WDPCP: variants seen among roughly 807,000 people sequenced by gnomAD.
The protein encoded by WDPCP is WD repeat-containing and planar cell polarity effector protein fritz homolog.
A neutral mutation model predicts 93.1 loss-of-function variants in WDPCP; 71 were observed. The observed-to-expected ratio is 0.76, with a 90% confidence interval of 0.63 to 0.93. WDPCP has a LOEUF of 0.93. Ranked by LOEUF, WDPCP falls within the 40% of genes least tolerant of loss-of-function variation. The probability of loss-of-function intolerance (pLI) is 0.00; values close to 1 mark genes in which losing one functional copy is unlikely to be tolerated. For missense variants in WDPCP, 844 were observed against 887.4 expected, an observed-to-expected ratio of 0.95 and a Z score of 0.62; for synonymous variants, 315 against 315.0, an observed-to-expected ratio of 1.00 and a Z score of 0.00.
intron 2 of WDPCP, chr2:63,717,966 T>C (rs991824556): frequency 1.3e-5 from 2 of 152,296 alleles, no homozygotes; most frequent in Non-Finnish European, 2.9e-5. Context: ...AAAAAGAAAG[T>C]GTACTTTTTT....
At chr2:63,154,954 T>C (rs1457511408) in intron 15 of WDPCP, among the ~76,000 whole-genome samples, 1 of 152,210 alleles carries the variant, frequency 6.6e-6, no homozygotes, top group Non-Finnish European at 1.5e-5. Context: ...TATTGAAATG[T>C]CCGTCCAAGT....
chr2:63,834,531 A>G, the WDPCP span, among the ~76,000 whole-genome samples: 1 of 152,152 alleles, frequency 6.6e-6, no homozygotes, highest in African/African-American at 2.4e-5. Flanking sequence ...TGTGAAGCAT[A>G]TTGATTCTTT....
chr2:63,802,153 C>A (rs1390107849), intron 2 of WDPCP, among the ~76,000 whole-genome samples: 1 of 151,788 alleles, frequency 6.6e-6, no homozygotes, highest in Non-Finnish European at 1.5e-5. Context: ...CTAACATCAT[C>A]ATTCAAAGTA....
rs921117293 is a variant in WDPCP at position 63,342,162 on chromosome 2, C to T, written c.1749-28851G>A. ...TTCATGGTCTTATGAGAATCTAATG[C>T]TGCCACTGATCTGACTGGAGACAGA... is the stretch of plus-strand genomic sequence containing the variant. On this transcript the variant is annotated intron_variant, in intron 12 of 17. Transcript: ENST00000272321. Among the ~76,000 whole-genome samples, 3 of 152,138 alleles carry T rather than the reference C, an allele frequency of 2.0e-5. No individual in the cohort carries two copies. In the East Asian group the frequency reaches 5.8e-4, roughly 29 times the overall value.
chr2:63,319,678 C>T (rs1426927266), intron 12 of WDPCP, among the ~76,000 whole-genome samples: 1 of 152,108 alleles, frequency 6.6e-6, no homozygotes, highest in South Asian at 2.1e-4. Flanking sequence ...TGGGGTTTCA[C>T]TGTGTTAGCC....
rs201014973 is a variant in WDPCP at position 63,153,684 on chromosome 2, TA to T, written c.2079-111del. ...TTAAAATATTTTAAAGTTTCTGGGT[TA>T]AAAAATGTAATTAAAAAATTTCTTT... On this transcript the variant is annotated intron_variant, in intron 15 of 17. Transcript: ENST00000272321. 696 of 630,956 alleles carry T rather than the reference TA, an allele frequency of 1.1e-3. 12 individuals carry two copies. The East Asian group carries it at 0.02, about 18-fold the overall frequency. 39.1% of individuals were successfully genotyped at this position (630,956 alleles called of 1,614,324 possible). A position where few individuals can be genotyped will look rare whatever the true frequency, so the allele number is the denominator to read the frequency against.
intron 1 of WDPCP, among the ~76,000 whole-genome samples, chr2:63,827,006 A>G (rs1413696834): frequency 6.6e-6 from 1 of 152,124 alleles, no homozygotes; most frequent in Non-Finnish European, 1.5e-5. Flanking sequence ...TAAAAATGCA[A>G]ATGTAATCTC....
chr2:63,190,079 G>C (rs1348504945), intron 14 of WDPCP, among the ~76,000 whole-genome samples: 1 of 152,060 alleles, frequency 6.6e-6, no homozygotes, highest in Non-Finnish European at 1.5e-5. Context: ...CTTACAGTGT[G>C]ATAACAGGGT....
At chr2:63,123,673 A>G (rs976762882) in intron 17 of WDPCP, among the ~76,000 whole-genome samples, 2 of 152,110 alleles carry the variant, frequency 1.3e-5, no homozygotes, top group African/African-American at 2.4e-5. Flanking sequence ...TTTATAAAAT[A>G]ATTTATTTTA....
At chr2:63,336,428 TG>T (rs1016666660) in intron 12 of WDPCP, among the ~76,000 whole-genome samples, 1 of 152,224 alleles carries the variant, frequency 6.6e-6, no homozygotes, top group Admixed American at 6.5e-5. Flanking sequence ...ATCCTTATTT[TG>T]TTCCCAATCT....
intron 12 of WDPCP, among the ~76,000 whole-genome samples, chr2:63,313,886 A>ATGTGTGTGTGTATATATATATATTTTTT: frequency 3.9e-4 from 29 of 74,470 alleles, no homozygotes; most frequent in Non-Finnish European, 2.1e-4. Flanking sequence ...ATATATATAT[A>ATGTGTGTGTGTATATATATATATTTTTT]TTTTTTTTTT....
At chr2:63,262,448 AT>A (rs1681714395) in intron 13 of WDPCP, among the ~76,000 whole-genome samples, 1 of 152,042 alleles carries the variant, frequency 6.6e-6, no homozygotes, top group Non-Finnish European at 1.5e-5. Context: ...TGATCTTAAA[AT>A]TAATAGGTCA....
intron 17 of WDPCP, among the ~76,000 whole-genome samples, chr2:63,141,666 A>G (rs184900023): frequency 1.1e-4 from 17 of 152,202 alleles, no homozygotes; most frequent in South Asian, 4.2e-4. Flanking sequence ...TTCTTTCTCT[A>G]TCTTGTGGAA....
intron 2 of WDPCP, among the ~76,000 whole-genome samples, chr2:63,756,193 A>T (rs1046709936): frequency 9.2e-5 from 14 of 152,236 alleles, no homozygotes; most frequent in Admixed American, 9.2e-4. Context: ...ACAACTCAGA[A>T]CTAGTCTTGC....
chr2:63,788,928 C>T (rs972577149), intron 2 of WDPCP, among the ~76,000 whole-genome samples: 1 of 152,128 alleles, frequency 6.6e-6, no homozygotes, highest in Non-Finnish European at 1.5e-5. Flanking sequence ...ACCCTAAACA[C>T]TAAACATAGA....
intron 6 of WDPCP, among the ~76,000 whole-genome samples, chr2:63,482,841 G>C (rs965026836): frequency 1.3e-5 from 2 of 151,428 alleles, no homozygotes; most frequent in East Asian, 3.9e-4. Flanking sequence ...GAATATAACA[G>C]AACAACAAAA....
chr2:63,609,139 G>A (rs1373624876), intron 3 of WDPCP, among the ~76,000 whole-genome samples: 1 of 152,116 alleles, frequency 6.6e-6, no homozygotes, highest in Non-Finnish European at 1.5e-5. Context: ...GGCCGAGGCG[G>A]GCAGATCATT....
intron 12 of WDPCP, among the ~76,000 whole-genome samples, chr2:63,326,517 A>G (rs1194884039): frequency 6.6e-6 from 1 of 151,848 alleles, no homozygotes; most frequent in African/African-American, 2.4e-5. Context: ...CAGAAAGGAA[A>G]GAGAGAAAGA....
intron 9 of WDPCP, among the ~76,000 whole-genome samples, chr2:63,432,799 A>C (rs1008188303): frequency 3.9e-5 from 6 of 152,186 alleles, no homozygotes; most frequent in Non-Finnish European, 2.9e-5. Flanking sequence ...GACCTAACTG[A>C]ATTAAATCAA....
Sources: gnomAD v4.1 joint callset for allele counts (sites outside exome capture counted in the v4.1 genomes callset) on GRCh38, gnomAD v4.1.1 for gene constraint, MANE v1.5 for transcripts, NCBI Gene and HGNC (gene_info 2026-07-23, HGNC 2026-07-21) for gene names.